Variants in CENPN observed in about 807,000 individuals in gnomAD.
CENPN encodes the protein interphase centromere complex protein 32.
CENPN carries 36 observed loss-of-function variants against 48.6 expected under a neutral mutation model. The ratio of observed to expected loss-of-function variants is 0.74; its 90% CI spans 0.57 to 0.98. The LOEUF is 0.98. CENPN is among the 50% of genes least tolerant of loss of function. CENPN has a pLI of 0.00. For missense variants in CENPN, 439 were observed against 399.2 expected (o/e 1.10, Z -0.85); for synonymous variants, 166 against 135.2 (o/e 1.23, Z -1.58).
At chr16:81,022,755 G>A in intron 7 of CENPN, 57 bp downstream of exon 7, 2 of 1,614,068 alleles carry the variant, frequency 1.2e-6, no homozygotes, top group Non-Finnish European at 1.7e-6. Flanking sequence ...TTTGACACAG[G>A]AGTTAGAAGC....
chr16:81,010,440 C>T lies in CENPN; in HGVS notation c.-10-1490C>T, dbSNP rs965267874. ...ATCCCTTGCCTATTGATAAGGGAGG[C>T]ACACCAGATTTGGGGCTCAGGACCT... is the stretch of plus-strand genomic sequence containing the variant. On this transcript the variant is annotated intron_variant, in intron 1 of 10. Coordinates refer to ENST00000305850, the MANE Select transcript of CENPN (RefSeq NM_001100624.3). Among the ~76,000 whole-genome samples, 15 of 152,250 alleles carry T rather than the reference C, an allele frequency of 9.9e-5. 1 individual carries two copies. The South Asian group carries it at 1.9e-3, about 19-fold the overall frequency.
At chr16:81,018,650 A>G (rs1257782301) in intron 5 of CENPN, among the ~76,000 whole-genome samples, 3 of 152,222 alleles carry the variant, frequency 2.0e-5, no homozygotes, top group African/African-American at 7.2e-5. Flanking sequence ...CATTCAAGGC[A>G]GTAGAGGCCC....
chr16:81,019,914 T>TAAAA (rs1171893296), intron 5 of CENPN, among the ~76,000 whole-genome samples, 186 bp from the exon 6 acceptor site: 1 of 149,482 alleles, frequency 6.7e-6, no homozygotes, highest in African/African-American at 2.5e-5. Flanking sequence ...TTTTTTTTTT[T>TAAAA]AAAATCACAA....
intron 1 of CENPN, among the ~76,000 whole-genome samples, chr16:81,009,683 G>A (rs1176433897): frequency 6.6e-6 from 1 of 152,092 alleles, no homozygotes; most frequent in African/African-American, 2.4e-5. Context: ...TTTCTTTTCA[G>A]AAGTGGACAA....
At chr16:81,020,481 A>G in intron 6 of CENPN, 1 of 439,842 alleles carries the variant, frequency 2.3e-6, no homozygotes. Flanking sequence ...TGCGATCACA[A>G]GACAAAGCAA....
downstream of CENPN, among the ~76,000 whole-genome samples, chr16:81,032,284 C>T (rs1464892229): frequency 2.0e-5 from 3 of 152,210 alleles, no homozygotes; most frequent in African/African-American, 7.2e-5. Flanking sequence ...GCCCCTCAGG[C>T]TCATTCAGAT....
At chr16:81,017,419 A>T (rs1184639243) in intron 4 of CENPN, 34 bp downstream of exon 4, 1 of 1,455,006 alleles carries the variant, frequency 6.9e-7, no homozygotes, top group Non-Finnish European at 9.6e-7. Flanking sequence ...AATATTTGAT[A>T]GTTTGGCTTG....
intron 1 of CENPN, among the ~76,000 whole-genome samples, chr16:81,011,025 A>C (rs11864984): frequency 0.093 from 14,201 of 152,188 alleles, 738 homozygotes; most frequent in East Asian, 0.16. Flanking sequence ...AACAGCAGTG[A>C]TCCCCGCAGT....
intron 7 of CENPN, 182 bp downstream of exon 7, chr16:81,022,880 T>G (rs764785857): frequency 6.2e-7 from 1 of 1,609,322 alleles, no homozygotes; most frequent in Admixed American, 1.7e-5. Flanking sequence ...AGTCATCTTT[T>G]TATAATTGTA....
At chr16:81,009,298 C>T (rs1969642724) in intron 1 of CENPN, among the ~76,000 whole-genome samples, 2 of 152,120 alleles carry the variant, frequency 1.3e-5, no homozygotes, top group Non-Finnish European at 2.9e-5. Flanking sequence ...TGAGGAGAAA[C>T]CATCTAAGCT....
rs758227303 is a variant in CENPN, at chr16:81,022,804, T to C, written c.633+106T>C. ...TACCTCCGACAAGAGGAGATCATTT[T>C]AGATATTACCGAAATGAAGAAAGCT... On this transcript the variant is annotated intron_variant, in intron 7 of 10. Transcript: ENST00000305850. 15 of 1,613,628 alleles carry C rather than the reference T, an allele frequency of 9.3e-6. No individual in the cohort carries two copies. The Admixed American group carries it at 2.3e-4, about 25-fold the overall frequency.
rs183024143 is a variant in CENPN at position 81,030,354 on chromosome 16, G to A, written c.*1703G>A. On this transcript the variant is annotated 3_prime_UTR_variant, in exon 11 of 11. Transcript: ENST00000305850. Reference sequence around the variant, plus strand: ...CACACTTGTAATCCCAGCACTTCAGGAGGTTTCTCCTAGTGTACTCTCACA... The same window carrying A: ...CACACTTGTAATCCCAGCACTTCAGAAGGTTTCTCCTAGTGTACTCTCACA... 1,084 of 985,372 alleles carry A rather than the reference G, an allele frequency of 1.1e-3. 6 individuals are homozygous for A. The African/African-American group carries it at 0.016, about 15-fold the overall frequency. The allele number at this position is 985,372 out of a possible 1,614,324, so 61.0% of individuals were successfully genotyped here.
At chr16:81,028,146 G>A in intron 9 of CENPN, 25 bp from the exon 10 acceptor site, 1 of 1,526,852 alleles carries the variant, frequency 6.5e-7, no homozygotes, top group Non-Finnish European at 9.1e-7. Flanking sequence ...ATGTTTAATA[G>A]TCATTTATAA....
At position 81,028,176 on chromosome 16, in the gene CENPN, A is replaced by C; in HGVS notation, c.816A>C (p.Glu272Asp). 6.2e-7 allele frequency: 1 copy of C among 1,609,446 alleles called. No homozygotes were observed. The highest frequency in any genetic ancestry group is 8.5e-7 in the Non-Finnish European group (1 of 1,175,724). ...PQLEFAQYKL[E>D]TKFKSGLNGS... Reference sequence around the variant, plus strand: ...TTATAAATGTTTGTTGACAGCTTGAAACGAAATTCAAAAGTGGTTTAAATG... The same window carrying C: ...TTATAAATGTTTGTTGACAGCTTGACACGAAATTCAAAAGTGGTTTAAATG... The change falls in exon 10 of 11, where the codon GAA (glutamate) becomes GAC (aspartate). Residue 272 changes from glutamate (E) to aspartate (D), a missense_variant. Coordinates refer to ENST00000305850, the MANE Select transcript of CENPN (RefSeq NM_001100624.3).
chr16:81,022,640 A>G lies in CENPN; in HGVS notation c.575A>G (p.Asp192Gly). The G allele has an allele frequency of 6.2e-7, 1 of 1,614,088 alleles. No individual in the cohort carries two copies. The highest frequency in any genetic ancestry group is 8.5e-7 in the Non-Finnish European group (1 of 1,179,996). The change falls in exon 7 of 11, where the codon GAC becomes GGC. Residue 192 changes from aspartate to glycine, a missense_variant. By Grantham distance (94) the Asp-to-Gly change is moderately conservative (BLOSUM62 -1). Transcript: ENST00000305850. ...ASKHHQIVKM[D>G]LRSRYLDSLK... ...AAACACCATCAGATTGTGAAAATGG[A>G]CCTGAGAAGTCGGTATCTGGACTCT...
chr16:81,018,735 T>C (rs74028898), intron 5 of CENPN, among the ~76,000 whole-genome samples: 5,897 of 152,276 alleles, frequency 0.039, 385 homozygotes, highest in African/African-American at 0.13. Context: ...CGCCATACCC[T>C]GGACTGGGGA....
intron 1 of CENPN, chr16:81,007,516 T>G (rs1273644893): frequency 1.3e-5 from 2 of 152,174 alleles, no homozygotes; most frequent in Non-Finnish European, 2.9e-5. Flanking sequence ...GAGCCTTTCG[T>G]AGGCTCGCGA....
chr16:81,011,154 T>C (rs542060178), intron 1 of CENPN, among the ~76,000 whole-genome samples: 8 of 152,276 alleles, frequency 5.3e-5, no homozygotes, highest in Non-Finnish European at 8.8e-5. Flanking sequence ...CCAAGCAGGC[T>C]CTTGCCTCAG....
intron 3 of CENPN, 86 bp downstream of exon 3, chr16:81,014,267 C>A: frequency 8.7e-7 from 1 of 1,144,340 alleles, no homozygotes; most frequent in Non-Finnish European, 1.3e-6. Context: ...CAGGGTCTCC[C>A]TCTGTCGCCC....
Sources: gnomAD v4.1 joint callset for allele counts (sites outside exome capture counted in the v4.1 genomes callset) on GRCh38, gnomAD v4.1.1 for gene constraint, MANE v1.5 for transcripts, NCBI Gene and HGNC (gene_info 2026-07-23, HGNC 2026-07-21) for gene names.